The following MAGI2 variants were observed in gnomAD, a reference collection of about 807,000 sequenced individuals.
MAGI2 encodes the protein membrane associated guanylate kinase, WW and PDZ domain containing 2.
A neutral mutation model predicts 133.3 loss-of-function variants in MAGI2; 35 were observed. That is an observed-to-expected ratio of 0.26 (90% CI 0.20 to 0.35). The LOEUF (loss-of-function observed/expected upper bound fraction) is 0.35. Ranked by LOEUF, MAGI2 falls within the 10% of genes least tolerant of loss-of-function variation. MAGI2 has a pLI of 1.00. For missense variants in MAGI2, 1,636 were observed against 1,863.4 expected, an observed-to-expected ratio of 0.88 and a Z score of 2.25; for synonymous variants, 729 against 710.6, an observed-to-expected ratio of 1.03 and a Z score of -0.41.
At chr7:78,246,149 C>T (rs1429870201) in intron 10 of MAGI2, among the ~76,000 whole-genome samples, 2 of 152,018 alleles carry the variant, frequency 1.3e-5, no homozygotes, top group African/African-American at 2.4e-5. Flanking sequence ...AGTGGATTAA[C>T]AACACAGCTT....
chr7:79,255,226 T>C (rs556559212), intron 1 of MAGI2, among the ~76,000 whole-genome samples: 1 of 152,180 alleles, frequency 6.6e-6, no homozygotes, highest in Non-Finnish European at 1.5e-5. Context: ...TTTGTCATGG[T>C]CTATTTATTT....
intron 2 of MAGI2, among the ~76,000 whole-genome samples, chr7:78,732,405 A>G (rs1821453531): frequency 6.6e-6 from 1 of 152,166 alleles, no homozygotes; most frequent in Non-Finnish European, 1.5e-5. Flanking sequence ...CTATGATATC[A>G]GATAGATTGT....
intron 1 of MAGI2, among the ~76,000 whole-genome samples, chr7:79,371,029 G>A (rs1843017421): frequency 6.6e-6 from 1 of 151,858 alleles, no homozygotes; most frequent in Non-Finnish European, 1.5e-5. Flanking sequence ...ATAAAAAAAA[G>A]GAACATGATG....
At chr7:78,814,018 A>G (rs1789334218) in intron 2 of MAGI2, among the ~76,000 whole-genome samples, 1 of 152,210 alleles carries the variant, frequency 6.6e-6, no homozygotes, top group Non-Finnish European at 1.5e-5. Context: ...TGGCTGGTGC[A>G]ATAAATCAAG....
intron 2 of MAGI2, among the ~76,000 whole-genome samples, chr7:78,946,347 C>A (rs1472925272): frequency 6.6e-6 from 1 of 152,008 alleles, no homozygotes; most frequent in East Asian, 1.9e-4. Context: ...TTATCACATA[C>A]AAAAGAAAAT....
At chr7:78,643,776 C>A (rs557758020) in intron 2 of MAGI2, among the ~76,000 whole-genome samples, 19 of 152,130 alleles carry the variant, frequency 1.2e-4, no homozygotes, top group African/African-American at 4.6e-4. Context: ...TTGTAAGATT[C>A]TTACCCTATA....
chr7:79,318,749 G>T (rs906185416), intron 1 of MAGI2, among the ~76,000 whole-genome samples: 2 of 152,040 alleles, frequency 1.3e-5, no homozygotes, highest in Non-Finnish European at 2.9e-5. Context: ...TTTCTCACAC[G>T]ACGTTGAAAA....
At chr7:79,425,443 G>C (rs570138761) in intron 1 of MAGI2, among the ~76,000 whole-genome samples, 4 of 151,932 alleles carry the variant, frequency 2.6e-5, no homozygotes, top group African/African-American at 9.6e-5. Flanking sequence ...CTGTGTGCAA[G>C]AGAAATCAGC....
At chr7:78,825,300 C>T (rs1334348992) in intron 2 of MAGI2, among the ~76,000 whole-genome samples, 1 of 152,150 alleles carries the variant, frequency 6.6e-6, no homozygotes, top group Non-Finnish European at 1.5e-5. Flanking sequence ...GGTCAAAAAA[C>T]ATTCCTCCCT....
intron 1 of MAGI2, among the ~76,000 whole-genome samples, chr7:79,136,930 C>T (rs1562930226): frequency 6.6e-6 from 1 of 152,146 alleles, no homozygotes; most frequent in African/African-American, 2.4e-5. Context: ...TGATGCCTCC[C>T]ATTGGTCCCA....
intron 1 of MAGI2, among the ~76,000 whole-genome samples, chr7:79,241,265 A>G (rs1377120255): frequency 6.6e-6 from 1 of 152,234 alleles, no homozygotes. Flanking sequence ...TGCCAAACAG[A>G]ATCATTCTTT....
At chr7:79,193,687 C>CA (rs996365397) in intron 1 of MAGI2, among the ~76,000 whole-genome samples, 12 of 150,326 alleles carry the variant, frequency 8.0e-5, no homozygotes, top group Admixed American at 1.3e-4. Context: ...TGGAAGAAAG[C>CA]AAAAAAAAAT....
chr7:78,476,000 T>C (rs1052748592), intron 6 of MAGI2, among the ~76,000 whole-genome samples: 3 of 151,920 alleles, frequency 2.0e-5, no homozygotes, highest in Non-Finnish European at 2.9e-5. Flanking sequence ...CTCTTCATTT[T>C]TGAGGAGCTT....
intron 20 of MAGI2, among the ~76,000 whole-genome samples, chr7:78,089,091 C>T (rs956304739): frequency 6.6e-6 from 1 of 152,214 alleles, no homozygotes; most frequent in Non-Finnish European, 1.5e-5. Context: ...CAAATGGAAC[C>T]AGCCCTGCTG....
At chr7:78,040,908 C>T (rs1021438918) in intron 21 of MAGI2, among the ~76,000 whole-genome samples, 4 of 152,210 alleles carry the variant, frequency 2.6e-5, no homozygotes, top group African/African-American at 9.6e-5. Flanking sequence ...CTAGATCATT[C>T]TGGAGTAGCC....
intron 1 of MAGI2, among the ~76,000 whole-genome samples, chr7:79,424,674 AT>A (rs1381100833): frequency 6.6e-5 from 10 of 152,136 alleles, no homozygotes; most frequent in African/African-American, 1.9e-4. Flanking sequence ...AATTACATAA[AT>A]TTTTTGTCCA....
At chr7:78,781,710 AT>A (rs1173989032) in intron 2 of MAGI2, among the ~76,000 whole-genome samples, 1 of 152,150 alleles carries the variant, frequency 6.6e-6, no homozygotes, top group African/African-American at 2.4e-5. Context: ...TATATTAGAA[AT>A]TTTAAATGAG....
At chr7:78,307,795 T>C (rs1282439536) in intron 9 of MAGI2, among the ~76,000 whole-genome samples, 2 of 152,180 alleles carry the variant, frequency 1.3e-5, no homozygotes, top group East Asian at 3.8e-4. Context: ...TCTACTTCTA[T>C]ATATGATTAA....
chr7:78,981,903 G>A (rs1462249617), intron 2 of MAGI2, among the ~76,000 whole-genome samples: 1 of 151,892 alleles, frequency 6.6e-6, no homozygotes, highest in Non-Finnish European at 1.5e-5. Flanking sequence ...CTCAGACCAA[G>A]ACGATATTCC....
Sources: gnomAD v4.1 joint callset for allele counts (sites outside exome capture counted in the v4.1 genomes callset) on GRCh38, gnomAD v4.1.1 for gene constraint, MANE v1.5 for transcripts, NCBI Gene and HGNC (gene_info 2026-07-23, HGNC 2026-07-21) for gene names.